Variants in BICC1 observed in about 807,000 individuals in gnomAD.
The protein encoded by BICC1 is BicC family RNA binding protein 1.
In BICC1, 43 loss-of-function variants were observed where a neutral mutation model predicts 111.0. The observed-to-expected ratio is 0.39, with a 90% CI of 0.30 to 0.50. The LOEUF is 0.50. Among genes scored for constraint, BICC1 ranks in the 20% least tolerant of loss-of-function variants. The pLI, the probability that BICC1 is intolerant of heterozygous loss-of-function variation, is 0.88. For missense variants in BICC1, 1,091 were observed against 1,203.2 expected (o/e 0.91, Z 1.38); for synonymous variants, 467 against 434.4 (o/e 1.07, Z -0.93).
intron 3 of BICC1, among the ~76,000 whole-genome samples, chr10:58,778,117 G>A (rs2132752842): frequency 6.6e-6 from 1 of 152,196 alleles, no homozygotes; most frequent in South Asian, 2.1e-4. Flanking sequence ...GGAGGCTGAG[G>A]TGGGAGGATC....
intron 3 of BICC1, among the ~76,000 whole-genome samples, chr10:58,761,279 G>A (rs1842308802): frequency 6.6e-6 from 1 of 152,160 alleles, no homozygotes; most frequent in African/African-American, 2.4e-5. Context: ...GAGTGCGGCT[G>A]GAAAGAAAGT....
At chr10:58,626,560 G>A (rs755828563) in intron 2 of BICC1, among the ~76,000 whole-genome samples, 4 of 152,100 alleles carry the variant, frequency 2.6e-5, no homozygotes, top group Non-Finnish European at 5.9e-5. Context: ...AAAAGATCAA[G>A]TAATTTGCTC....
At chr10:58,723,846 C>T (rs1053115648) in intron 3 of BICC1, among the ~76,000 whole-genome samples, 3 of 152,230 alleles carry the variant, frequency 2.0e-5, no homozygotes, top group Non-Finnish European at 4.4e-5. Flanking sequence ...TACAGCTGGG[C>T]TTATGGGTTG....
At chr10:58,703,341 G>A (rs1464543253) in intron 3 of BICC1, among the ~76,000 whole-genome samples, 1 of 151,716 alleles carries the variant, frequency 6.6e-6, no homozygotes. Flanking sequence ...TGCATTTTTT[G>A]TAGAGATGGA....
intron 3 of BICC1, among the ~76,000 whole-genome samples, chr10:58,750,403 G>A (rs1272667721): frequency 6.6e-6 from 1 of 151,864 alleles, no homozygotes; most frequent in Non-Finnish European, 1.5e-5. Context: ...AACCACTAAG[G>A]AAGAAAAAAA....
chr10:58,697,922 A>C (rs1269449008), intron 2 of BICC1, among the ~76,000 whole-genome samples: 40 of 116,996 alleles, frequency 3.4e-4, no homozygotes, highest in South Asian at 5.7e-4. Context: ...TTCCTCCCCC[A>C]CCTCCCACCC....
intron 2 of BICC1, among the ~76,000 whole-genome samples, chr10:58,680,885 T>A (rs531850611): frequency 6.6e-6 from 1 of 152,240 alleles, no homozygotes; most frequent in Non-Finnish European, 1.5e-5. Flanking sequence ...TACAACCATC[T>A]GATCTTTGAC....
At chr10:58,610,381 C>T (rs7097457) in intron 1 of BICC1, among the ~76,000 whole-genome samples, 12,651 of 152,188 alleles carry the variant, frequency 0.083, 551 homozygotes, top group African/African-American at 0.091. Flanking sequence ...TTGCAATCCA[C>T]ATTTTGAGAA....
chr10:58,807,570 G>T (rs564595665), intron 17 of BICC1, among the ~76,000 whole-genome samples: 75 of 152,308 alleles, frequency 4.9e-4, no homozygotes, highest in Admixed American at 1.1e-3. Context: ...TAGGTTTTCA[G>T]ATATGAGTTA....
intron 1 of BICC1, among the ~76,000 whole-genome samples, chr10:58,605,281 C>A (rs898659531): frequency 1.3e-5 from 2 of 152,072 alleles, no homozygotes; most frequent in Admixed American, 6.5e-5. Context: ...TCCTTCCCCA[C>A]AAAACATACT....
intron 9 of BICC1, among the ~76,000 whole-genome samples, chr10:58,794,533 C>T (rs911094419): frequency 2.0e-5 from 3 of 151,934 alleles, no homozygotes; most frequent in Non-Finnish European, 2.9e-5. Flanking sequence ...GTTCTCCCAC[C>T]TCAGCCTCCC....
At chr10:58,700,663 A>C (rs2132445592) in intron 2 of BICC1, among the ~76,000 whole-genome samples, 1 of 152,278 alleles carries the variant, frequency 6.6e-6, no homozygotes, top group African/African-American at 2.4e-5. Context: ...AACAGCAAAC[A>C]CCATGATAAA....
intron 3 of BICC1, among the ~76,000 whole-genome samples, chr10:58,744,271 A>G (rs1841761010): frequency 6.6e-6 from 1 of 152,176 alleles, no homozygotes; most frequent in Admixed American, 6.6e-5. Flanking sequence ...TAGTTGTAGC[A>G]GAAGATTGCT....
chr10:58,704,775 C>A (rs928890235), intron 3 of BICC1, among the ~76,000 whole-genome samples: 1 of 152,084 alleles, frequency 6.6e-6, no homozygotes, highest in Non-Finnish European at 1.5e-5. Flanking sequence ...ACACATAATC[C>A]CCAGGCTGAG....
At chr10:58,513,566 G>A (rs1377081358) in intron 1 of BICC1, among the ~76,000 whole-genome samples, 1 of 152,226 alleles carries the variant, frequency 6.6e-6, no homozygotes, top group African/African-American at 2.4e-5. Context: ...GAACTTGACT[G>A]GCTTCAGAAA....
At chr10:58,720,490 T>C (rs932840082) in intron 3 of BICC1, among the ~76,000 whole-genome samples, 3 of 152,094 alleles carry the variant, frequency 2.0e-5, no homozygotes, top group Non-Finnish European at 2.9e-5. Context: ...AGGAGAAGAG[T>C]GCAAGTCACA....
At chr10:58,803,903 G>A (rs1013689854) in intron 15 of BICC1, among the ~76,000 whole-genome samples, 1 of 152,150 alleles carries the variant, frequency 6.6e-6, no homozygotes. Flanking sequence ...ATAAGGATTT[G>A]TGCTTTGTGC....
intron 2 of BICC1, among the ~76,000 whole-genome samples, chr10:58,638,069 A>G (rs1205435489): frequency 6.6e-6 from 1 of 152,158 alleles, no homozygotes; most frequent in East Asian, 1.9e-4. Flanking sequence ...ACATAGTAAC[A>G]TCTAGCAGGA....
intron 1 of BICC1, among the ~76,000 whole-genome samples, chr10:58,524,563 A>C (rs1278027904): frequency 6.6e-6 from 1 of 152,232 alleles, no homozygotes; most frequent in Non-Finnish European, 1.5e-5. Flanking sequence ...AATTAATTCA[A>C]GATTGATTAA....
Sources: allele counts gnomAD v4.1 joint callset (sites outside exome capture counted in the v4.1 genomes callset), GRCh38; gene constraint gnomAD v4.1.1; transcripts MANE v1.5; gene names NCBI Gene and HGNC (gene_info 2026-07-23, HGNC 2026-07-21).